Variants in INTS9 observed in about 807,000 individuals in gnomAD.
INTS9 encodes integrator complex subunit 9.
INTS9 carries 55 observed loss-of-function variants against 79.7 expected under a neutral mutation model. The observed-to-expected ratio is 0.69, with a 90% confidence interval of 0.56 to 0.86. The LOEUF (loss-of-function observed/expected upper bound fraction) is 0.86, where lower values mean the gene tolerates loss of function less well. Ranked by LOEUF, INTS9 falls within the 40% of genes least tolerant of loss-of-function variation. INTS9 has a pLI of 0.00. For synonymous variants in INTS9, 319 were observed against 325.2 expected (o/e 0.98, Z 0.20); for missense variants, 721 against 831.5 (o/e 0.87, Z 1.64).
chr8:28,886,904 A>G (rs1340337932), intron 1 of INTS9, among the ~76,000 whole-genome samples: 3 of 152,212 alleles, frequency 2.0e-5, no homozygotes, highest in Non-Finnish European at 4.4e-5. Context: ...GGTAGCTATC[A>G]TTCCTTTTTT....
intron 1 of INTS9, among the ~76,000 whole-genome samples, chr8:28,866,376 A>G (rs1193583144): frequency 6.6e-6 from 1 of 152,022 alleles, no homozygotes; most frequent in Admixed American, 6.6e-5. Flanking sequence ...AATAAATGTC[A>G]CCATTTTGAG....
chr8:28,845,605 G>A (rs1204535562), intron 4 of INTS9, among the ~76,000 whole-genome samples: 1 of 152,208 alleles, frequency 6.6e-6, no homozygotes, highest in Non-Finnish European at 1.5e-5. Context: ...GCAGTAGTTG[G>A]CGTGACACGT....
chr8:28,889,829 G>A, intron 1 of INTS9, 45 bp downstream of exon 1: 1 of 1,611,142 alleles, frequency 6.2e-7, no homozygotes, highest in Non-Finnish European at 8.5e-7. Flanking sequence ...GGTCCAAAAG[G>A]TTATAGCATC....
chr8:28,768,328 C>T lies in INTS9; in HGVS notation c.1801-6G>A. The T allele has an allele frequency of 1.9e-6, 3 of 1,612,420 alleles. No homozygotes were observed. The highest frequency in any genetic ancestry group is 1.3e-5 in the African/African-American group (1 of 75,010). ...TTAATATCACTGAAGCCATGCTGCTCCAGAAGAAAAGAAAGAGGTGGGCTG... is the reference window on the plus strand; with the variant it reads ...TTAATATCACTGAAGCCATGCTGCTTCAGAAGAAAAGAAAGAGGTGGGCTG... On this transcript the variant is annotated splice_region_variant and splice_polypyrimidine_tract_variant and intron_variant, in intron 16 of 16. Transcript: ENST00000521022.
chr8:28,860,116 G>A (rs533778325), intron 1 of INTS9, among the ~76,000 whole-genome samples: 4 of 152,336 alleles, frequency 2.6e-5, no homozygotes, highest in Non-Finnish European at 5.9e-5. Context: ...CTGATGTGCA[G>A]ACACTAAGCA....
At position 28,777,711 on chromosome 8, in the gene INTS9, G is replaced by A. The variant is rs924004406; in HGVS notation, c.1395+118C>T. On this transcript the variant is annotated intron_variant, in intron 13 of 16. Coordinates refer to ENST00000521022, the MANE Select transcript of INTS9 (RefSeq NM_018250.4). ...ATGTGTCCCAGCATTCTGCAGATGC[G>A]TGAGAACTGAAGACAAGAATCAAAC... The A allele has an allele frequency of 9.3e-6, 11 of 1,188,334 alleles. No homozygotes were observed. In the Admixed American group the frequency reaches 1.9e-4, roughly 21 times the overall value. The allele number at this position is 1,188,334 out of a possible 1,614,324, so 73.6% of individuals were successfully genotyped here.
chr8:28,878,590 G>C lies in INTS9; in HGVS notation c.9+11284C>G, dbSNP rs534760119. ...TCCTGCCTTGGCCTCCCAAAGTGCT[G>C]GGATTATAGGTGTCAGCCACTGTGC... On this transcript the variant is annotated intron_variant, in intron 1 of 16. Coordinates refer to ENST00000521022, the MANE Select transcript of INTS9 (RefSeq NM_018250.4). 4.0e-5 allele frequency among the ~76,000 whole-genome samples: 6 copies of C among 151,002 alleles called. No individual in the cohort carries two copies. In the East Asian group the frequency reaches 7.8e-4, roughly 20 times the overall value.
Position 28,811,433 on chromosome 8 carries a change from T to C in INTS9, c.744+894A>G, listed in dbSNP as rs1183534408. Reference sequence around the variant, plus strand: ...GCCACCATACCCGGCCTTTTTTTTTTTTTCTTGAGGCATAATCTCACTCTG... The same window carrying C: ...GCCACCATACCCGGCCTTTTTTTTTCTTTCTTGAGGCATAATCTCACTCTG... On this transcript the variant is annotated intron_variant, in intron 8 of 16. Transcript: ENST00000521022. 2.6e-5 allele frequency among the ~76,000 whole-genome samples: 4 copies of C among 152,000 alleles called. No homozygotes were observed. In the South Asian group the frequency reaches 6.2e-4, roughly 24 times the overall value.
chr8:28,785,146 C>T (rs1391142859), intron 11 of INTS9, among the ~76,000 whole-genome samples: 4 of 152,210 alleles, frequency 2.6e-5, no homozygotes, highest in East Asian at 1.9e-4. Context: ...TTAAGAGCCA[C>T]GCAATGTCAG....
chr8:28,768,760 T>G (rs1802354692), intron 16 of INTS9, among the ~76,000 whole-genome samples: 2 of 152,216 alleles, frequency 1.3e-5, no homozygotes, highest in African/African-American at 4.8e-5. Context: ...CAGTGCAAAC[T>G]TCTCAGCTAT....
At chr8:28,844,714 G>A (rs1225387925) in intron 4 of INTS9, among the ~76,000 whole-genome samples, 6 of 152,106 alleles carry the variant, frequency 3.9e-5, no homozygotes, top group Non-Finnish European at 7.4e-5. Flanking sequence ...TACTCGGGAG[G>A]CTGAGGCAGG....
intron 1 of INTS9, among the ~76,000 whole-genome samples, chr8:28,888,056 A>C (rs982314701): frequency 1.3e-5 from 2 of 152,206 alleles, no homozygotes; most frequent in African/African-American, 4.8e-5. Flanking sequence ...TATTGAGAAC[A>C]CAGGGTCCAT....
chr8:28,856,822 G>A (rs971329253), intron 2 of INTS9, among the ~76,000 whole-genome samples: 4 of 152,144 alleles, frequency 2.6e-5, no homozygotes, highest in Non-Finnish European at 5.9e-5. Flanking sequence ...TGTCACCCAG[G>A]TAGTGAGCAT....
At chr8:28,816,445 T>C (rs1478258833) in intron 6 of INTS9, among the ~76,000 whole-genome samples, 7 of 151,664 alleles carry the variant, frequency 4.6e-5, no homozygotes, top group Non-Finnish European at 2.9e-5. Context: ...TGAATGATGA[T>C]TTCCAATTTC....
chr8:28,837,597 C>T lies in INTS9; in HGVS notation c.401+40G>A, dbSNP rs758860758. ...AGCGTCATCACTGAGGGAGGAGCTC[C>T]GCAGTCACATCCTAGCAGGGTCAGA... On this transcript the variant is annotated intron_variant, in intron 5 of 16. Transcript: ENST00000521022. 2.2e-5 allele frequency: 35 copies of T among 1,598,056 alleles called. No individual in the cohort carries two copies. In the East Asian group the frequency reaches 4.5e-4, roughly 21 times the overall value.
Position 28,769,988 on chromosome 8 carries a change from C to G in INTS9, c.1701G>C (p.Lys567Asn). The change falls in exon 16 of 17, where the codon AAG becomes AAC. Residue 567 changes from lysine (K) to asparagine (N), a missense_variant. By Grantham distance (94) the Lys-to-Asn change is moderately conservative. Around this residue, in one of 3 missense-constraint regions of INTS9, gnomAD observed 281 missense variants for 300.8 expected, o/e 0.93. Coordinates refer to ENST00000521022, the MANE Select transcript of INTS9 (RefSeq NM_018250.4). ...PRPAQPTSGKKRKRVSDDVPD... is the reference protein window; with the variant it reads ...PRPAQPTSGKNRKRVSDDVPD... ...GTACGTCATCGCTCACCCGCTTTCT[C>G]TTCTTCCCGCTCGTGGGCTGGGCGG... The G allele has an allele frequency of 6.2e-7, 1 of 1,614,206 alleles. No individual in the cohort carries two copies. The highest frequency in any genetic ancestry group is 2.2e-5 in the East Asian group (1 of 44,886).
intron 3 of INTS9, 93 bp from the exon 4 acceptor site, chr8:28,846,902 G>T (rs1365736749): frequency 3.1e-6 from 3 of 956,742 alleles, no homozygotes; most frequent in Non-Finnish European, 5.1e-6. Flanking sequence ...TTTTCATGAA[G>T]AATCATAGAC....
chr8:28,880,307 G>C (rs536322570), intron 1 of INTS9, among the ~76,000 whole-genome samples: 33 of 138,846 alleles, frequency 2.4e-4, no homozygotes, highest in Admixed American at 8.2e-4. Flanking sequence ...CTCTGATGCC[G>C]AGCCAAAGCT....
chr8:28,775,479 A>G lies in INTS9; in HGVS notation c.1563+280T>C, dbSNP rs186065714. Among the ~76,000 whole-genome samples, 348 of 152,186 alleles carry G rather than the reference A, an allele frequency of 2.3e-3. 1 individual carries two copies. Among genetic ancestry groups the G allele is most frequent in the African/African-American group, 8.0e-3 (333 of 41,518 alleles). ...GCCTCACGAGTAGCTGGGATTACAG[A>G]TGCGTGCCACCACACCTGGCTACTT... On this transcript the variant is annotated intron_variant, in intron 14 of 16. Coordinates refer to ENST00000521022, the MANE Select transcript of INTS9 (RefSeq NM_018250.4).
Sources: allele counts gnomAD v4.1 joint callset (sites outside exome capture counted in the v4.1 genomes callset), GRCh38; gene constraint gnomAD v4.1.1; regional missense constraint gnomAD v4.1.1; transcripts MANE v1.5; gene names NCBI Gene and HGNC (gene_info 2026-07-23, HGNC 2026-07-21).